The following AKAP9 variants were observed in gnomAD, a reference collection of about 807,000 sequenced individuals.
AKAP9 encodes A-kinase anchor protein 9.
AKAP9 carries 311 observed loss-of-function variants against 488.5 expected under a neutral mutation model. That is an observed-to-expected ratio of 0.64 (90% CI 0.58 to 0.70). The LOEUF (loss-of-function observed/expected upper bound fraction) is 0.70. Ranked by LOEUF, AKAP9 falls within the 30% of genes least tolerant of loss-of-function variation. AKAP9 has a pLI of 0.00. For synonymous variants in AKAP9, 1,462 were observed against 1,483.5 expected (o/e 0.99, Z 0.33); for missense variants, 4,215 against 4,374.5 (o/e 0.96, Z 1.03).
chr7:92,076,923 A>G lies in AKAP9; in HGVS notation c.6681A>G (p.Gln2227=), dbSNP rs745898364. Residue 2227 remains glutamine, a synonymous_variant, in exon 29 of 50, where the codon CAA becomes CAG. Coordinates refer to ENST00000356239, the MANE Select transcript of AKAP9 (RefSeq NM_005751.5). ...TGGAAAATAAGAATGAAGAAGTTCAACAATTACATATGCAATTAGAAATAC... is the reference window on the plus strand; with the variant it reads ...TGGAAAATAAGAATGAAGAAGTTCAGCAATTACATATGCAATTAGAAATAC... ...EELENKNEEV[Q]QLHMQLEIQK... 1.8e-5 allele frequency: 28 copies of G among 1,551,342 alleles called. No individual in the cohort carries two copies. Among genetic ancestry groups the G allele is most frequent in the African/African-American group, 5.5e-5 (4 of 73,136 alleles).
Position 92,070,154 on chromosome 7 carries a change from G to A in AKAP9, c.6455G>A (p.Arg2152Lys), listed in dbSNP as rs1811455362. 6.2e-6 allele frequency: 10 copies of A among 1,613,982 alleles called. No individual in the cohort carries two copies. Among genetic ancestry groups the A allele is most frequent in the African/African-American group, 1.3e-5 (1 of 74,920 alleles). The part of the protein sequence containing the change: ...RNEEIEKLEF[R>K]VRELEQALLV... ...GAAGAAATAGAGAAACTGGAGTTCA[G>A]AGTAAGAGAACTGGAGCAGGCGCTT... Residue 2152 changes from arginine to lysine, a missense_variant, in exon 27 of 50, where the codon AGA (arginine) becomes AAA (lysine). By Grantham distance (26) the Arg-to-Lys change is conservative (BLOSUM62 2). Coordinates refer to ENST00000356239, the MANE Select transcript of AKAP9 (RefSeq NM_005751.5).
chr7:92,094,666 C>A (rs944513709), intron 39 of AKAP9, among the ~76,000 whole-genome samples: 3 of 151,978 alleles, frequency 2.0e-5, no homozygotes, highest in Non-Finnish European at 4.4e-5. Context: ...AACTCCATCT[C>A]TACTGAAAAT....
At chr7:91,964,875 G>C (rs1056550673) in intron 1 of AKAP9, among the ~76,000 whole-genome samples, 2 of 151,986 alleles carry the variant, frequency 1.3e-5, no homozygotes, top group African/African-American at 4.8e-5. Flanking sequence ...AGGATAGAAA[G>C]TCTCCTTTTA....
At chr7:91,956,624 A>G (rs1046374856) in intron 1 of AKAP9, among the ~76,000 whole-genome samples, 6 of 151,954 alleles carry the variant, frequency 3.9e-5, no homozygotes, top group East Asian at 1.9e-4. Flanking sequence ...TTTCTTCATT[A>G]CTTTCTGTGT....
intron 3 of AKAP9, among the ~76,000 whole-genome samples, chr7:91,989,761 A>G (rs1190349783): frequency 6.6e-6 from 1 of 152,046 alleles, no homozygotes; most frequent in African/African-American, 2.4e-5. Flanking sequence ...GAGCCATCAG[A>G]TTTTTATTTT....
intron 33 of AKAP9, 145 bp downstream of exon 33, chr7:92,083,800 A>G: frequency 1.2e-6 from 1 of 811,942 alleles, no homozygotes; most frequent in Non-Finnish European, 1.9e-6. Context: ...TTATCAAGGC[A>G]AGTTTTAAAC....
chr7:92,008,830 T>C (rs1800294169), intron 8 of AKAP9, among the ~76,000 whole-genome samples: 1 of 150,236 alleles, frequency 6.7e-6, no homozygotes, highest in African/African-American at 2.5e-5. Flanking sequence ...ACTAAAAATA[T>C]GAAAAATTAG....
chr7:92,002,546 G>T lies in AKAP9; in HGVS notation c.2629G>T (p.Asp877Tyr). 1.2e-6 allele frequency: 2 copies of T among 1,609,610 alleles called. No homozygotes were observed. Among genetic ancestry groups the T allele is most frequent in the South Asian group, 1.1e-5 (1 of 89,876 alleles). Residue 877 changes from aspartate (D) to tyrosine (Y), a missense_variant, in exon 8 of 50, where the codon GAT (aspartate) becomes TAT (tyrosine). Around this residue, in one of 5 missense-constraint regions of AKAP9, gnomAD observed 2,361 missense variants for 2,430.0 expected, o/e 0.97. Transcript: ENST00000356239. ...TGCTTGCCTTCTCAAAGTAAAAGAT[G>T]ATTTAGAAGACAGTAAAAATAAACA... Reference protein sequence around the residue: ...EYACLLKVKDDLEDSKNKQEL... With the variant: ...EYACLLKVKDYLEDSKNKQEL...
chr7:91,973,686 T>A, intron 1 of AKAP9, 25 bp from the exon 2 acceptor site: 1 of 1,610,698 alleles, frequency 6.2e-7, no homozygotes, highest in Admixed American at 1.7e-5. Context: ...TCTTTGACAA[T>A]AACGGTTATT....
intron 14 of AKAP9, among the ~76,000 whole-genome samples, chr7:92,028,043 G>A (rs1490646457): frequency 1.7e-4 from 26 of 151,784 alleles, no homozygotes; most frequent in African/African-American, 6.3e-4. Context: ...AGGGTTAAAT[G>A]GATTAAGGGT....
Position 91,943,851 on chromosome 7 carries a change from A to G in AKAP9, c.48+2704A>G, listed in dbSNP as rs1040933285. Among the ~76,000 whole-genome samples the G allele has an allele frequency of 1.2e-4, 19 of 152,306 alleles. 1 individual carries two copies. Among genetic ancestry groups the G allele is most frequent in the African/African-American group, 3.8e-4 (16 of 41,570 alleles). On this transcript the variant is annotated intron_variant, in intron 1 of 49. Transcript: ENST00000356239. ...GCATCAGAAACAACTTTAAATGATC[A>G]TTTTCCAAAGTTTATCTGAGACTTC...
chr7:91,993,922 A>T (rs1455775276), intron 5 of AKAP9, among the ~76,000 whole-genome samples: 1 of 152,218 alleles, frequency 6.6e-6, no homozygotes, highest in African/African-American at 2.4e-5. Flanking sequence ...TGAGTCTGGT[A>T]GTTTGAGACT....
At chr7:92,108,720 G>C (rs762789982) in intron 49 of AKAP9, 87 bp downstream of exon 49, 22 of 1,512,936 alleles carry the variant, frequency 1.5e-5, no homozygotes, top group Non-Finnish European at 2.0e-5. Context: ...CACTCATTAG[G>C]ATAATCAAAG....
At chr7:92,100,796 A>T in intron 44 of AKAP9, 60 bp from the exon 45 acceptor site, 1 of 1,586,792 alleles carries the variant, frequency 6.3e-7, no homozygotes, top group Non-Finnish European at 8.7e-7. Flanking sequence ...ATATCTTTTT[A>T]ATATGTTTAG....
chr7:92,102,877 T>G (rs761140877), intron 46 of AKAP9, 51 bp downstream of exon 46: 6 of 1,463,096 alleles, frequency 4.1e-6, no homozygotes, highest in East Asian at 4.5e-5. Context: ...CTAAAAGGAT[T>G]AGTTATTTTT....
At chr7:91,950,449 C>G (rs1792078724) in intron 1 of AKAP9, among the ~76,000 whole-genome samples, 1 of 152,036 alleles carries the variant, frequency 6.6e-6, no homozygotes, top group East Asian at 1.9e-4. Context: ...CCAGTATGGT[C>G]TCAATCTCCT....
intron 1 of AKAP9, among the ~76,000 whole-genome samples, chr7:91,968,974 C>A (rs1452979263): frequency 6.6e-6 from 1 of 152,002 alleles, no homozygotes; most frequent in South Asian, 2.1e-4. Context: ...TGGGCTCAAG[C>A]GATCCTCCTG....
chr7:92,000,864 T>C lies in AKAP9; in HGVS notation c.947T>C (p.Val316Ala). 1 of 1,409,534 alleles carries C rather than the reference T, an allele frequency of 7.1e-7. No homozygotes were observed. Among genetic ancestry groups the C allele is most frequent in the Non-Finnish European group, 9.5e-7 (1 of 1,050,584 alleles). 87.3% of individuals were successfully genotyped at this position (1,409,534 alleles called of 1,614,324 possible). A position where few individuals can be genotyped will look rare whatever the true frequency, so the allele number is the denominator to read the frequency against. ...KVYEMEQDKK[V>A]ENSNKEEIQE... Reference sequence around the variant, plus strand: ...TTCCTAAAGGAACAAGATAAAAAAGTAGAAAACTCAAATAAAGAAGAAATA... The same window carrying C: ...TTCCTAAAGGAACAAGATAAAAAAGCAGAAAACTCAAATAAAGAAGAAATA... Residue 316 changes from valine to alanine, a missense_variant, in exon 8 of 50, where the codon GTA becomes GCA. Physicochemically the swap from Val to Ala is moderately conservative, Grantham distance 64. This residue lies in a region of AKAP9 where 2,361 missense variants were observed against 2,430.0 expected (regional missense o/e 0.97). Transcript: ENST00000356239.
intron 1 of AKAP9, among the ~76,000 whole-genome samples, chr7:91,944,136 T>C (rs970905057): frequency 6.6e-6 from 1 of 152,162 alleles, no homozygotes; most frequent in African/African-American, 2.4e-5. Flanking sequence ...AATTATGATA[T>C]GTAAAATAAT....
Sources: gnomAD v4.1 joint callset for allele counts (sites outside exome capture counted in the v4.1 genomes callset) on GRCh38, gnomAD v4.1.1 for gene constraint, gnomAD v4.1.1 regional missense constraint, MANE v1.5 for transcripts, NCBI Gene and HGNC (gene_info 2026-07-23, HGNC 2026-07-21) for gene names.